The following LHFPL3 variants were observed in gnomAD, a reference collection of about 807,000 sequenced individuals.
LHFPL3 encodes the protein LHFPL tetraspan subfamily member 3.
LHFPL3 carries 5 observed loss-of-function variants against 19.3 expected under a neutral mutation model. That is an observed-to-expected ratio of 0.26 (90% CI 0.14 to 0.54). The LOEUF (loss-of-function observed/expected upper bound fraction) is 0.54, where lower values mean the gene tolerates loss of function less well. Ranked by LOEUF, LHFPL3 falls within the 20% of genes least tolerant of loss-of-function variation. LHFPL3 has a pLI of 0.94. For synonymous variants in LHFPL3, 133 were observed against 126.2 expected, an observed-to-expected ratio of 1.05 and a Z score of -0.36; for missense variants, 249 against 307.4, an observed-to-expected ratio of 0.81 and a Z score of 1.42.
chr7:104,416,098 A>C (rs1791616476), intron 1 of LHFPL3, among the ~76,000 whole-genome samples: 1 of 152,248 alleles, frequency 6.6e-6, no homozygotes, highest in South Asian at 2.1e-4. Context: ...CACTGCAGTC[A>C]GGTGGGTTCT....
chr7:104,615,371 A>T (rs903441298), intron 1 of LHFPL3, among the ~76,000 whole-genome samples: 1 of 152,204 alleles, frequency 6.6e-6, no homozygotes, highest in Admixed American at 6.5e-5. Flanking sequence ...ATTCTTTTTT[A>T]AAAATTATCA....
chr7:104,494,217 C>T (rs1793412831), intron 1 of LHFPL3, among the ~76,000 whole-genome samples: 1 of 152,074 alleles, frequency 6.6e-6, no homozygotes, highest in South Asian at 2.1e-4. Flanking sequence ...TATTATTTTA[C>T]AAAATAATAT....
chr7:104,621,753 A>G (rs1791450155), intron 1 of LHFPL3, among the ~76,000 whole-genome samples: 1 of 152,282 alleles, frequency 6.6e-6, no homozygotes, highest in Admixed American at 6.5e-5. Flanking sequence ...CTTTCATTTT[A>G]TTATATGATT....
chr7:104,596,473 C>T (rs1349668557), intron 1 of LHFPL3, among the ~76,000 whole-genome samples: 1 of 152,186 alleles, frequency 6.6e-6, no homozygotes, highest in Non-Finnish European at 1.5e-5. Context: ...TAAGTGGTCA[C>T]TTTTTCAGCT....
intron 1 of LHFPL3, among the ~76,000 whole-genome samples, chr7:104,347,967 A>G (rs1359167269): frequency 6.6e-6 from 1 of 152,138 alleles, no homozygotes; most frequent in African/African-American, 2.4e-5. Flanking sequence ...AAAGCTTTCT[A>G]TTAGAAACTG....
At chr7:104,538,037 A>AT (rs1236460278) in intron 1 of LHFPL3, among the ~76,000 whole-genome samples, 1 of 152,100 alleles carries the variant, frequency 6.6e-6, no homozygotes, top group Non-Finnish European at 1.5e-5. Context: ...TAGAAAAAAA[A>AT]CTCTGAACTT....
At chr7:104,613,594 A>G (rs954147079) in intron 1 of LHFPL3, among the ~76,000 whole-genome samples, 1 of 152,058 alleles carries the variant, frequency 6.6e-6, no homozygotes, top group East Asian at 1.9e-4. Flanking sequence ...TAATTCCGCA[A>G]CACCAACCCA....
At chr7:104,759,797 A>G (rs1794343636) in intron 2 of LHFPL3, 1 of 152,244 alleles carries the variant, frequency 6.6e-6, no homozygotes, top group Non-Finnish European at 1.5e-5. Flanking sequence ...AAGGACTCAC[A>G]TCATCTGACT....
intron 1 of LHFPL3, among the ~76,000 whole-genome samples, chr7:104,720,564 T>C (rs1435546431): frequency 6.6e-6 from 1 of 152,040 alleles, no homozygotes; most frequent in East Asian, 1.9e-4. Context: ...ACTAAAGAGC[T>C]TCTGCACAGC....
At chr7:104,390,696 C>A (rs1791048253) in intron 1 of LHFPL3, among the ~76,000 whole-genome samples, 1 of 152,178 alleles carries the variant, frequency 6.6e-6, no homozygotes, top group African/African-American at 2.4e-5. Context: ...TGGGTATATA[C>A]CCAGTAATGG....
Position 104,582,142 on chromosome 7 carries a change from T to C in LHFPL3, c.446-154533T>C, listed in dbSNP as rs138445241. On this transcript the variant is annotated intron_variant, in intron 1 of 2. Coordinates refer to ENST00000424859, the MANE Select transcript of LHFPL3 (RefSeq NM_199000.3). ...TTGAATTTCTGTTAGCAATATCTTA[T>C]AGTTTTTAGTGAAGAGATTTGTACA... is the stretch of plus-strand genomic sequence containing the variant. 7.5e-4 allele frequency among the ~76,000 whole-genome samples: 114 copies of C among 152,082 alleles called. 1 individual carries two copies. In the East Asian group the frequency reaches 0.021, roughly 28 times the overall value.
chr7:104,513,214 A>C (rs1023565697), intron 1 of LHFPL3, among the ~76,000 whole-genome samples: 1 of 152,194 alleles, frequency 6.6e-6, no homozygotes, highest in Non-Finnish European at 1.5e-5. Flanking sequence ...TACCCAGATT[A>C]CTGGAAAGTA....
intron 2 of LHFPL3, among the ~76,000 whole-genome samples, chr7:104,831,177 C>G (rs1433407477): frequency 2.0e-5 from 3 of 151,526 alleles, no homozygotes; most frequent in Non-Finnish European, 4.4e-5. Context: ...TATTCTTATC[C>G]AAACTGTCTT....
At chr7:104,692,052 C>T (rs983555945) in intron 1 of LHFPL3, among the ~76,000 whole-genome samples, 6 of 152,132 alleles carry the variant, frequency 3.9e-5, no homozygotes, top group Non-Finnish European at 8.8e-5. Context: ...TTCCCCTGCC[C>T]TAGAGATCTG....
intron 1 of LHFPL3, among the ~76,000 whole-genome samples, chr7:104,525,753 C>T (rs112135626): frequency 6.6e-6 from 1 of 151,888 alleles, no homozygotes; most frequent in Admixed American, 6.6e-5. Flanking sequence ...ATTACAAGCG[C>T]GTACCTCCAC....
chr7:104,858,841 G>A (rs1562816605), intron 2 of LHFPL3, among the ~76,000 whole-genome samples: 2 of 151,818 alleles, frequency 1.3e-5, no homozygotes, highest in African/African-American at 2.4e-5. Flanking sequence ...CTCCCAAGTT[G>A]CATCTTCCCA....
intron 1 of LHFPL3, among the ~76,000 whole-genome samples, chr7:104,708,223 A>G (rs897408767): frequency 6.6e-6 from 1 of 152,220 alleles, no homozygotes; most frequent in Non-Finnish European, 1.5e-5. Context: ...TATGACACTG[A>G]AAAAATGTAT....
intron 2 of LHFPL3, among the ~76,000 whole-genome samples, chr7:104,902,776 A>G (rs1027531328): frequency 6.6e-6 from 1 of 152,150 alleles, no homozygotes; most frequent in Non-Finnish European, 1.5e-5. Context: ...ACAGAGTGAG[A>G]TTCTGTCTCA....
rs965538100 is a variant in LHFPL3 at position 104,667,253 on chromosome 7, ATC to A, written c.446-69420_446-69419del. 1.3e-4 allele frequency among the ~76,000 whole-genome samples: 15 copies of A among 119,162 alleles called. 1 individual carries two copies. The highest frequency in any genetic ancestry group is 1.7e-5 in the Non-Finnish European group (1 of 57,850). The allele number at this position is 119,162 out of a possible 152,430, so 78.2% of individuals were successfully genotyped here. ...CAATTATATATCCCCTCCTACAATC[ATC>A]TGTTTTCTTGGGGGGGGGAATCTTT... On this transcript the variant is annotated intron_variant, in intron 1 of 2. Transcript: ENST00000424859.
Sources: allele counts gnomAD v4.1 joint callset (sites outside exome capture counted in the v4.1 genomes callset), GRCh38; gene constraint gnomAD v4.1.1; transcripts MANE v1.5; gene names NCBI Gene and HGNC (gene_info 2026-07-23, HGNC 2026-07-21).